EPHA7: variants seen among roughly 807,000 people sequenced by gnomAD.
EPHA7 encodes the protein ephrin type-A receptor 7.
In EPHA7, 25 loss-of-function variants were observed where a neutral mutation model predicts 112.6. The observed-to-expected ratio is 0.22, with a 90% CI of 0.16 to 0.31. EPHA7 has a LOEUF of 0.31. EPHA7 is among the 10% of genes least tolerant of loss of function. The pLI is 1.00. For synonymous variants in EPHA7, 437 were observed against 406.5 expected, an observed-to-expected ratio of 1.07 and a Z score of -0.90; for missense variants, 962 against 1,212.6, an observed-to-expected ratio of 0.79 and a Z score of 3.07.
At chr6:93,290,223 T>G (rs1002905906) in intron 5 of EPHA7, among the ~76,000 whole-genome samples, 7 of 152,054 alleles carry the variant, frequency 4.6e-5, no homozygotes, top group Non-Finnish European at 7.4e-5. Flanking sequence ...ATATGACATA[T>G]AAAATATGAA....
At chr6:93,280,921 C>T (rs756013842) in intron 5 of EPHA7, among the ~76,000 whole-genome samples, 6 of 152,056 alleles carry the variant, frequency 3.9e-5, no homozygotes, top group Non-Finnish European at 5.9e-5. Context: ...TTCAGGCCTT[C>T]GTATTTTTCA....
chr6:93,414,955 G>T (rs1394775538), intron 1 of EPHA7, among the ~76,000 whole-genome samples, 188 bp from the exon 2 acceptor site: 1 of 151,766 alleles, frequency 6.6e-6, no homozygotes, highest in East Asian at 1.9e-4. Flanking sequence ...AAGGAAAAAA[G>T]ATATTAAGAC....
At chr6:93,310,264 T>C (rs575762542) in intron 5 of EPHA7, among the ~76,000 whole-genome samples, 11 of 152,298 alleles carry the variant, frequency 7.2e-5, no homozygotes, top group African/African-American at 2.4e-4. Context: ...TCAGTTATAT[T>C]GTGATACGCA....
At chr6:93,415,387 T>A (rs966781392) in intron 1 of EPHA7, among the ~76,000 whole-genome samples, 7 of 152,046 alleles carry the variant, frequency 4.6e-5, no homozygotes, top group African/African-American at 9.6e-5. Context: ...GCATTTTTTT[T>A]AATTTCTTAA....
intron 3 of EPHA7, among the ~76,000 whole-genome samples, chr6:93,365,681 G>T (rs1411042308): frequency 6.6e-6 from 1 of 152,112 alleles, no homozygotes; most frequent in Non-Finnish European, 1.5e-5. Flanking sequence ...AAAACAACAT[G>T]ATGTAATGAG....
At chr6:93,250,150 C>T (rs1770140290) in intron 14 of EPHA7, among the ~76,000 whole-genome samples, 2 of 152,010 alleles carry the variant, frequency 1.3e-5, no homozygotes. Flanking sequence ...AGTCACATCC[C>T]TATGGACATG....
rs1023295533 is a variant in EPHA7, at chr6:93,283,751, C to T, written c.1325-11329G>A. 7.2e-5 allele frequency among the ~76,000 whole-genome samples: 11 copies of T among 152,144 alleles called. No individual in the cohort carries two copies. In the East Asian group the frequency reaches 1.2e-3, roughly 16 times the overall value. ...CCTTTAAAAACTGTAACACTCACCACGAGGGTCCGCGGCTTCATTCTTGAA... is the reference window on the plus strand; with the variant it reads ...CCTTTAAAAACTGTAACACTCACCATGAGGGTCCGCGGCTTCATTCTTGAA... On this transcript the variant is annotated intron_variant, in intron 5 of 16. Coordinates refer to ENST00000369303, the MANE Select transcript of EPHA7 (RefSeq NM_004440.4).
rs1776846313 is a variant in EPHA7, at chr6:93,372,402, C to T, written c.833-13991G>A. On this transcript the variant is annotated intron_variant, in intron 3 of 16. Transcript: ENST00000369303. Reference sequence around the variant, plus strand: ...GCCATTTTTCAACATGATTATTTTGCAGTTTAAGTTAGCAGCTGTTTAAAT... The same window carrying T: ...GCCATTTTTCAACATGATTATTTTGTAGTTTAAGTTAGCAGCTGTTTAAAT... Among the ~76,000 whole-genome samples the T allele has an allele frequency of 5.3e-5, 8 of 152,098 alleles. 1 individual carries two copies. The South Asian group carries it at 1.7e-3, about 32-fold the overall frequency.
intron 5 of EPHA7, among the ~76,000 whole-genome samples, chr6:93,313,378 A>G (rs973579432): frequency 2.6e-5 from 4 of 151,320 alleles, no homozygotes; most frequent in African/African-American, 9.8e-5. Flanking sequence ...TATACTATAG[A>G]TGAAGAGTTG....
chr6:93,259,566 CT>C, intron 9 of EPHA7, 87 bp from the exon 10 acceptor site: 13 of 1,508,918 alleles, frequency 8.6e-6, no homozygotes, highest in South Asian at 1.2e-5. Flanking sequence ...CAGAGTGCTC[CT>C]TGGAACAGTG....
chr6:93,241,747 G>A lies in EPHA7; in HGVS notation c.*1679C>T, dbSNP rs533215280. On this transcript the variant is annotated 3_prime_UTR_variant, in exon 17 of 17. Coordinates refer to ENST00000369303, the MANE Select transcript of EPHA7 (RefSeq NM_004440.4). ...CTGAAAATACCTGTTCTTTTGTGAT[G>A]CTCTGCAAGTAAAATAGAAAAATAT... 9.0e-6 allele frequency: 2 copies of A among 221,732 alleles called. No individual in the cohort carries two copies. Among genetic ancestry groups the A allele is most frequent in the East Asian group, 1.3e-4 (2 of 15,250 alleles). The allele number at this position is 221,732 out of a possible 1,614,324, so 13.7% of individuals were successfully genotyped here.
chr6:93,248,731 T>C (rs378261), intron 14 of EPHA7, among the ~76,000 whole-genome samples: 97,821 of 151,392 alleles, frequency 0.65, 32,632 homozygotes, highest in South Asian at 0.83. Context: ...GCTCTGTAAC[T>C]AGGCTCTGTC....
At chr6:93,264,853 A>G (rs1457303014) in intron 7 of EPHA7, 151 bp from the exon 8 acceptor site, 4 of 432,554 alleles carry the variant, frequency 9.2e-6, no homozygotes, top group African/African-American at 2.1e-5. Context: ...ATAAATGTTT[A>G]TTTCTGCCTT....
rs916719558 is a variant in EPHA7 at position 93,410,462 on chromosome 6, A to G, written c.832+39T>C. The G allele has an allele frequency of 1.3e-6, 2 of 1,554,084 alleles. No individual in the cohort carries two copies. Among genetic ancestry groups the G allele is most frequent in the Non-Finnish European group, 1.7e-6 (2 of 1,147,282 alleles). On this transcript the variant is annotated intron_variant, in intron 3 of 16. Transcript: ENST00000369303. This position sits in a 1 kb window ranked among gnomAD's most constrained non-coding sequence, Gnocchi z 4.0. ...TTAAAATGTCTGATACTGAAATTTA[A>G]AAAGGCAAAGTGGAGTTTTAATAGG... is the stretch of plus-strand genomic sequence containing the variant.
chr6:93,263,091 T>G (rs2127866495), intron 9 of EPHA7, among the ~76,000 whole-genome samples: 1 of 151,414 alleles, frequency 6.6e-6, no homozygotes, highest in South Asian at 2.1e-4. Context: ...TTCTTAAGGA[T>G]TAAAAATGGG....
At chr6:93,416,220 T>G (rs1779215626) in intron 1 of EPHA7, among the ~76,000 whole-genome samples, 1 of 152,200 alleles carries the variant, frequency 6.6e-6, no homozygotes, top group Non-Finnish European at 1.5e-5. Flanking sequence ...CGAATTTATA[T>G]AAAAAGTAAT....
rs752705560 is a variant in EPHA7, at chr6:93,246,997, A to G, written c.2533-12T>C. 1.9e-6 allele frequency: 3 copies of G among 1,553,888 alleles called. No individual in the cohort carries two copies. In the South Asian group the frequency reaches 3.6e-5, roughly 18 times the overall value. On this transcript the variant is annotated splice_polypyrimidine_tract_variant and intron_variant, in intron 14 of 16. Transcript: ENST00000369303. ...ATTGCTTTTATAACCTAATAGCCAA[A>G]AGGACATTACAAATATTACTGATTT...
At chr6:93,279,304 T>A (rs753940101) in intron 5 of EPHA7, among the ~76,000 whole-genome samples, 1 of 152,154 alleles carries the variant, frequency 6.6e-6, no homozygotes, top group Non-Finnish European at 1.5e-5. Flanking sequence ...CACATATAGA[T>A]CTGCATCACT....
rs1417805627 is a variant in EPHA7 at position 93,240,730 on chromosome 6, CT to C, written c.*2695del. 4.7e-6 allele frequency: 1 copy of C among 213,188 alleles called. No homozygotes were observed. The highest frequency in any genetic ancestry group is 2.3e-5 in the African/African-American group (1 of 43,698). The allele number at this position is 213,188 out of a possible 1,614,324, so 13.2% of individuals were successfully genotyped here. On this transcript the variant is annotated 3_prime_UTR_variant, in exon 17 of 17. Transcript: ENST00000369303. ...GTTCACTTTCTCTACTTTTCCTCCC[CT>C]GAGCACTAATTTATTTAAAAAAAAA...
Sources: gnomAD v4.1 joint callset for allele counts (sites outside exome capture counted in the v4.1 genomes callset) on GRCh38, gnomAD v4.1.1 for gene constraint, Gnocchi (gnomAD v3.1) non-coding constraint, MANE v1.5 for transcripts, NCBI Gene and HGNC (gene_info 2026-07-23, HGNC 2026-07-21) for gene names.